IQSEC3: variants seen among roughly 807,000 people sequenced by gnomAD.
IQSEC3 encodes the protein IQ motif and SEC7 domain-containing protein 3.
In IQSEC3, 50 loss-of-function variants were observed where a neutral mutation model predicts 105.4. The observed-to-expected ratio is 0.47, with a 90% CI of 0.38 to 0.60. The LOEUF is 0.60. Ranked by LOEUF, IQSEC3 falls within the 20% of genes least tolerant of loss-of-function variation. The probability of loss-of-function intolerance (pLI) is 0.00; values close to 1 mark genes in which losing one functional copy is unlikely to be tolerated. For synonymous variants in IQSEC3, 708 were observed against 746.0 expected (o/e 0.95, Z 0.83); for missense variants, 1,415 against 1,630.0 (o/e 0.87, Z 2.27).
chr12:118,344 C>A (rs1865114430), intron 2 of IQSEC3, among the ~76,000 whole-genome samples: 1 of 152,096 alleles, frequency 6.6e-6, no homozygotes, highest in Non-Finnish European at 1.5e-5. Context: ...GTGCTCGGTG[C>A]CTTTATTCTG....
intron 1 of IQSEC3, among the ~76,000 whole-genome samples, chr12:80,331 TC>T (rs1863702595): frequency 6.6e-6 from 1 of 152,168 alleles, no homozygotes; most frequent in South Asian, 2.1e-4. Flanking sequence ...GGGGGAGCCA[TC>T]AGGGTGTTAG....
chr12:110,533 T>C (rs1864845792), intron 2 of IQSEC3, among the ~76,000 whole-genome samples: 1 of 152,030 alleles, frequency 6.6e-6, no homozygotes, highest in East Asian at 1.9e-4. Context: ...TCTGAGGTTA[T>C]TGTTATCCCC....
rs537924984 is a variant in IQSEC3 at position 125,964 on chromosome 12, T to G, written c.903+52T>G. 952 of 1,499,978 alleles carry G rather than the reference T, an allele frequency of 6.3e-4. 4 individuals carry two copies. The highest frequency in any genetic ancestry group is 1.4e-3 in the South Asian group (114 of 81,628). 92.9% of individuals were successfully genotyped at this position (1,499,978 alleles called of 1,614,324 possible). A position where few individuals can be genotyped will look rare whatever the true frequency, so the allele number is the denominator to read the frequency against. On this transcript the variant is annotated intron_variant, in intron 3 of 13. Coordinates refer to ENST00000538872, the MANE Select transcript of IQSEC3 (RefSeq NM_001170738.2). ...GGAGGGTGGTGAAGGGGCCCTGCTT[T>G]GGGGGCTGTCGAGGGTACCAGGGAT...
chr12:139,231 A>T lies in IQSEC3; in HGVS notation c.1868A>T (p.Gln623Leu), dbSNP rs1215896022. The T allele has an allele frequency of 2.2e-5, 36 of 1,606,022 alleles. No individual in the cohort carries two copies. Among genetic ancestry groups the T allele is most frequent in the Non-Finnish European group, 3.0e-5 (35 of 1,177,434 alleles). ...ASASASKDAL[Q>L]AMILSLPRYH... ...GCCTCCGCCTCCAAGGACGCCCTGC[A>T]GGCCATGATCCTGAGCCTGCCGCGC... Residue 623 changes from glutamine to leucine, a missense_variant, in exon 4 of 14, where the codon CAG becomes CTG. Physicochemically the swap from Gln to Leu is moderately radical, Grantham distance 113. Transcript: ENST00000538872.
chr12:157,591 C>G lies in IQSEC3; in HGVS notation c.2340C>G (p.Phe780Leu). Residue 780 changes from phenylalanine to leucine, a missense_variant, in exon 7 of 14, where the codon TTC becomes TTG. Around this residue, in one of 6 missense-constraint regions of IQSEC3, gnomAD observed 213 missense variants for 306.2 expected, o/e 0.70. Transcript: ENST00000538872. ...VQQFHNPDTI[F>L]ILAFAIILLN... ...AGTTCCACAACCCCGACACCATCTT[C>G]ATCCTCGCCTTCGCCATCATCCTCC... 1 of 1,614,234 alleles carries G rather than the reference C, an allele frequency of 6.2e-7. No individual in the cohort carries two copies. The highest frequency in any genetic ancestry group is 8.5e-7 in the Non-Finnish European group (1 of 1,180,026).
intron 1 of IQSEC3, among the ~76,000 whole-genome samples, chr12:79,307 C>T (rs1322116798): frequency 3.9e-5 from 6 of 152,206 alleles, no homozygotes; most frequent in African/African-American, 7.2e-5. Flanking sequence ...ACCTATCACA[C>T]ATGAGGTCAG....
At chr12:161,236 G>C (rs1866878348) in intron 7 of IQSEC3, among the ~76,000 whole-genome samples, 1 of 152,186 alleles carries the variant, frequency 6.6e-6, no homozygotes, top group Non-Finnish European at 1.5e-5. Flanking sequence ...GAAAGATTTG[G>C]AAATAGTAGA....
chr12:147,502 C>G (rs545721707), intron 5 of IQSEC3, among the ~76,000 whole-genome samples: 74 of 152,178 alleles, frequency 4.9e-4, no homozygotes, highest in Non-Finnish European at 9.4e-4. Flanking sequence ...GGCACAATGA[C>G]TCATCACCTG....
intron 5 of IQSEC3, among the ~76,000 whole-genome samples, chr12:154,897 G>C (rs188620886): frequency 2.3e-3 from 353 of 151,886 alleles, no homozygotes; most frequent in Non-Finnish European, 3.6e-3. Context: ...TGTCGAATTA[G>C]ACTTTCCTTG....
intron 4 of IQSEC3, chr12:140,294 G>A (rs1865964030): frequency 6.6e-6 from 1 of 152,198 alleles, no homozygotes; most frequent in Non-Finnish European, 1.5e-5. Context: ...GTATTACCAT[G>A]CTGTTTTACA....
At position 66,957 on chromosome 12, in the gene IQSEC3, G is replaced by A. The variant is rs1555065458; in HGVS notation, c.75G>A (p.Gln25=). The change falls in exon 1 of 14, where the codon CAG becomes CAA. Residue 25 remains glutamine, a synonymous_variant. Coordinates refer to ENST00000538872, the MANE Select transcript of IQSEC3 (RefSeq NM_001170738.2). ...AGCTCACGGCCATCGTGCAGAACCA[G>A]CAGAGCCTCATCCACACCCAGCGAG... is the stretch of plus-strand genomic sequence containing the variant. ...LKELTAIVQN[Q]QSLIHTQRER... 1 of 1,531,136 alleles carries A rather than the reference G, an allele frequency of 6.5e-7. No individual in the cohort carries two copies. The highest frequency in any genetic ancestry group is 8.7e-7 in the Non-Finnish European group (1 of 1,145,014). 94.8% of individuals were successfully genotyped at this position (1,531,136 alleles called of 1,614,324 possible).
At chr12:135,705 A>C (rs781924881) in intron 3 of IQSEC3, among the ~76,000 whole-genome samples, 12 of 152,380 alleles carry the variant, frequency 7.9e-5, no homozygotes, top group Non-Finnish European at 1.6e-4. Context: ...CTGTGCCGTT[A>C]GCCTTGAAGG....
chr12:130,032 G>A (rs959275321), intron 3 of IQSEC3, among the ~76,000 whole-genome samples: 35 of 152,322 alleles, frequency 2.3e-4, no homozygotes, highest in African/African-American at 7.2e-4. Flanking sequence ...GAGCACCAGG[G>A]CACCAGCCTA....
In IQSEC3 at chr12:138,644, C is replaced by G. The variant is rs782345649; in HGVS notation, c.1281C>G (p.Ser427=). The part of the protein sequence containing the change: ...LSTWSLKTMC[S]LRESGAYQLH... ...CGTGGAGCCTCAAGACCATGTGCTC[C>G]CTGCGGGAGAGTGGCGCTTACCAGC... Residue 427 remains serine, a synonymous_variant, in exon 4 of 14, where the codon TCC becomes TCG. Transcript: ENST00000538872. This position sits in a 1 kb window ranked among gnomAD's most constrained non-coding sequence, Gnocchi z 7.1. 2.5e-6 allele frequency: 4 copies of G among 1,579,128 alleles called. No individual in the cohort carries two copies. The highest frequency in any genetic ancestry group is 3.4e-6 in the Non-Finnish European group (4 of 1,170,616).
chr12:174,796 GC>G lies in IQSEC3; in HGVS notation c.3315del (p.Cys1106AlafsTer9). On this transcript the variant is annotated frameshift_variant, in exon 14 of 14. Coordinates refer to ENST00000538872, the MANE Select transcript of IQSEC3 (RefSeq NM_001170738.2). LOFTEE classifies it high-confidence loss of function. ...TTGTCAAGGTCATTGTCCTGGACAA[GC>G]CCTGCCTGGCCCGCATGGAGCCCCT... ...QIVKVIVLDK[P>X]CLARMEPLLS... is the part of the protein sequence containing the mutation. 1 of 1,585,006 alleles carries G rather than the reference GC, an allele frequency of 6.3e-7. No homozygotes were observed. The highest frequency in any genetic ancestry group is 8.5e-7 in the Non-Finnish European group (1 of 1,174,230).
At chr12:84,748 T>C (rs1200633923) in intron 1 of IQSEC3, among the ~76,000 whole-genome samples, 4 of 152,210 alleles carry the variant, frequency 2.6e-5, no homozygotes, top group Non-Finnish European at 5.9e-5. Context: ...GGGCATGTGA[T>C]TGAGGTACCT....
chr12:162,469 C>G (rs2137049805), intron 8 of IQSEC3, among the ~76,000 whole-genome samples: 1 of 152,268 alleles, frequency 6.6e-6, no homozygotes, highest in East Asian at 1.9e-4. Flanking sequence ...ATAGATTTGT[C>G]CTATTGGTAG....
chr12:130,450 G>A (rs1171875014), intron 3 of IQSEC3, among the ~76,000 whole-genome samples: 3 of 152,198 alleles, frequency 2.0e-5, no homozygotes, highest in East Asian at 3.9e-4. Flanking sequence ...GGACTCCGCA[G>A]CCCATGGTTT....
intron 5 of IQSEC3, among the ~76,000 whole-genome samples, chr12:155,388 T>G (rs1866650646): frequency 6.6e-6 from 1 of 152,094 alleles, no homozygotes; most frequent in Non-Finnish European, 1.5e-5. Flanking sequence ...CAAGGACAAC[T>G]CATAGCCTGA....
Sources: gnomAD v4.1 joint callset for allele counts (sites outside exome capture counted in the v4.1 genomes callset) on GRCh38, gnomAD v4.1.1 for gene constraint, gnomAD v4.1.1 regional missense constraint, Gnocchi (gnomAD v3.1) non-coding constraint, MANE v1.5 for transcripts, NCBI Gene and HGNC (gene_info 2026-07-23, HGNC 2026-07-21) for gene names.